CCDC144A: variants seen among roughly 807,000 people sequenced by gnomAD.
CCDC144A encodes coiled-coil domain-containing protein 144A.
In CCDC144A, 41 loss-of-function variants were observed where a neutral mutation model predicts 143.8. The observed-to-expected ratio is 0.29, with a 90% CI of 0.22 to 0.37. The LOEUF (loss-of-function observed/expected upper bound fraction) is 0.37. Ranked by LOEUF, CCDC144A falls within the 10% of genes least tolerant of loss-of-function variation. The pLI, the probability that CCDC144A is intolerant of heterozygous loss-of-function variation, is 1.00. For missense variants in CCDC144A, 637 were observed against 1,488.8 expected, an observed-to-expected ratio of 0.43 and a Z score of 9.41; for synonymous variants, 242 against 517.9, an observed-to-expected ratio of 0.47 and a Z score of 7.23.
chr17:16,683,664 G>T, the CCDC144A span: 1 of 1,606,840 alleles, frequency 6.2e-7, no homozygotes, highest in Admixed American at 1.7e-5. Context: ...TGCAAGCCCG[G>T]AAGTTTCAGA....
At chr17:16,753,428 G>GTTTTTTTTTTTTTTTTTTT in intron 12 of CCDC144A, among the ~76,000 whole-genome samples, 5 of 57,376 alleles carry the variant, frequency 8.7e-5, no homozygotes, top group African/African-American at 2.1e-4. Context: ...GTGTTTTGTA[G>GTTTTTTTTTTTTTTTTTTT]TTTTTTTTTT....
intron 2 of CCDC144A, among the ~76,000 whole-genome samples, chr17:16,702,466 T>TC (rs1911788070): frequency 6.6e-6 from 1 of 152,204 alleles, no homozygotes. Context: ...TACACTGATC[T>TC]CCCTTGAGCT....
Position 16,690,499 on chromosome 17 carries a change from G to A in CCDC144A, c.99G>A (p.Gly33=). ...AGACCCCTAGCGTCGGGAGCCAGGG[G>A]GACCAGTGGTACTTGGGCTACCCGG... ...TRKTPSVGSQ[G]DQWYLGYPGD... The change falls in exon 1 of 17, where the codon GGG becomes GGA. Residue 33 remains glycine, a synonymous_variant. Transcript: ENST00000399273. 3 of 1,611,254 alleles carry A rather than the reference G, an allele frequency of 1.9e-6. No homozygotes were observed. Among genetic ancestry groups the A allele is most frequent in the African/African-American group, 1.3e-5 (1 of 74,992 alleles).
At chr17:16,754,453 C>T (rs1419437084) in intron 12 of CCDC144A, among the ~76,000 whole-genome samples, 1 of 152,086 alleles carries the variant, frequency 6.6e-6, no homozygotes, top group Non-Finnish European at 1.5e-5. Flanking sequence ...TGATTTTTTT[C>T]CCCATTTTCA....
the CCDC144A span, among the ~76,000 whole-genome samples, chr17:16,671,060 C>T: frequency 6.6e-6 from 1 of 151,782 alleles, no homozygotes; most frequent in Non-Finnish European, 1.5e-5. Flanking sequence ...GATCTCAGCT[C>T]ATTGCAACCT....
At chr17:16,746,645 G>C (rs1914535248) in intron 12 of CCDC144A, 1 of 1,612,264 alleles carries the variant, frequency 6.2e-7, no homozygotes, top group Non-Finnish European at 8.5e-7. Context: ...GTAGAGATGA[G>C]GATAAAGACT....
chr17:16,680,984 G>C, the CCDC144A span, among the ~76,000 whole-genome samples: 1 of 151,952 alleles, frequency 6.6e-6, no homozygotes, highest in East Asian at 1.9e-4. Context: ...TGAGGAAATT[G>C]TACTGCTAAT....
chr17:16,705,521 A>C (rs1911999620), intron 3 of CCDC144A, 122 bp downstream of exon 3: 1 of 802,734 alleles, frequency 1.2e-6, no homozygotes, highest in Non-Finnish European at 2.0e-6. Flanking sequence ...CACCTTTTGC[A>C]CTGAACAGAA....
At chr17:16,684,876 G>A (rs1375267975), upstream of CCDC144A, among the ~76,000 whole-genome samples, 1 of 152,122 alleles carries the variant, frequency 6.6e-6, no homozygotes, top group Non-Finnish European at 1.5e-5. Context: ...GTGGGAGGAT[G>A]ACTTGAGCTG....
intron 9 of CCDC144A, among the ~76,000 whole-genome samples, chr17:16,730,284 G>T (rs932417541): frequency 9.1e-6 from 1 of 109,698 alleles, no homozygotes; most frequent in Non-Finnish European, 1.8e-5. Flanking sequence ...TTTGTGAAAG[G>T]TCAGTTGGTT....
chr17:16,675,179 G>A, the CCDC144A span, among the ~76,000 whole-genome samples: 1 of 151,074 alleles, frequency 6.6e-6, no homozygotes, highest in Non-Finnish European at 1.5e-5. Context: ...TGAGGCAAGA[G>A]AAGCGCCTGA....
chr17:16,731,289 G>T (rs1320681881), intron 9 of CCDC144A: 2 of 159,994 alleles, frequency 1.3e-5, no homozygotes, highest in East Asian at 3.7e-4. Context: ...ATAGTAATCT[G>T]CAGATACATG....
At chr17:16,722,907 T>A (rs1257124657) in intron 8 of CCDC144A, among the ~76,000 whole-genome samples, 1 of 152,186 alleles carries the variant, frequency 6.6e-6, no homozygotes, top group Non-Finnish European at 1.5e-5. Flanking sequence ...AAGGAGGATA[T>A]CTTGGTTTCT....
At chr17:16,729,332 G>A (rs987512790) in intron 9 of CCDC144A, among the ~76,000 whole-genome samples, 2 of 152,166 alleles carry the variant, frequency 1.3e-5, no homozygotes, top group African/African-American at 4.8e-5. Flanking sequence ...GTATTTCCGT[G>A]AATGTTAGTG....
chr17:16,667,311 GGGCTGAGGAGGCTGAGGA>G, the CCDC144A span, among the ~76,000 whole-genome samples: 2 of 127,874 alleles, frequency 1.6e-5, no homozygotes, highest in South Asian at 5.2e-4. Flanking sequence ...GGCGGCTGAG[GGGCTGAGGAGGCTGAGGA>G]GGCTGAGGCG....
intron 6 of CCDC144A, among the ~76,000 whole-genome samples, chr17:16,716,582 G>A (rs983983937): frequency 3.9e-5 from 6 of 151,966 alleles, no homozygotes; most frequent in African/African-American, 1.5e-4. Context: ...TGCTATTTTT[G>A]AACAATATAT....
intron 12 of CCDC144A, among the ~76,000 whole-genome samples, chr17:16,737,029 A>G (rs1914041104): frequency 6.6e-6 from 1 of 151,304 alleles, no homozygotes; most frequent in Non-Finnish European, 1.5e-5. Context: ...CAGAAAACCG[A>G]TTTGGCAGGA....
chr17:16,764,323 G>A (rs999227642), intron 15 of CCDC144A, 148 bp downstream of exon 15: 49 of 1,463,634 alleles, frequency 3.3e-5, no homozygotes, highest in Middle Eastern at 1.8e-4. Flanking sequence ...AAATTTTACC[G>A]TTATTTTTAA....
intron 8 of CCDC144A, among the ~76,000 whole-genome samples, chr17:16,723,621 C>T (rs1338690349): frequency 6.6e-6 from 1 of 152,070 alleles, no homozygotes; most frequent in Non-Finnish European, 1.5e-5. Flanking sequence ...GTGACCAATT[C>T]CTGGTTCATA....
Sources: allele counts gnomAD v4.1 joint callset (sites outside exome capture counted in the v4.1 genomes callset), GRCh38; gene constraint gnomAD v4.1.1; transcripts MANE v1.5; gene names NCBI Gene and HGNC (gene_info 2026-07-23, HGNC 2026-07-21).